OPCML: variants seen among roughly 807,000 people sequenced by gnomAD.
OPCML encodes the protein opioid binding protein/cell adhesion molecule like, also known as opioid-binding protein/cell adhesion molecule.
A neutral mutation model predicts 37.8 loss-of-function variants in OPCML; 13 were observed. That is an observed-to-expected ratio of 0.34 (90% CI 0.22 to 0.55). The LOEUF is 0.55. OPCML is among the 20% of genes least tolerant of loss of function. The pLI, the probability that OPCML is intolerant of heterozygous loss-of-function variation, is 0.91. For synonymous variants in OPCML, 176 were observed against 168.8 expected, an observed-to-expected ratio of 1.04 and a Z score of -0.33; for missense variants, 341 against 435.6, an observed-to-expected ratio of 0.78 and a Z score of 1.93.
chr11:132,449,817 G>T (rs1017503258), intron 4 of OPCML, among the ~76,000 whole-genome samples: 6 of 152,166 alleles, frequency 3.9e-5, no homozygotes, highest in Non-Finnish European at 1.5e-5. Flanking sequence ...AGGGGATCCG[G>T]CCAGCTCATT....
chr11:133,073,254 A>G (rs1447127676), intron 1 of OPCML, among the ~76,000 whole-genome samples: 1 of 152,204 alleles, frequency 6.6e-6, no homozygotes, highest in East Asian at 1.9e-4. Flanking sequence ...CTGGGGCAGA[A>G]AAGCAAGGTG....
At chr11:133,260,711 C>T (rs1413562735) in intron 1 of OPCML, among the ~76,000 whole-genome samples, 3 of 152,280 alleles carry the variant, frequency 2.0e-5, no homozygotes, top group African/African-American at 7.2e-5. Flanking sequence ...ATCAGAAGCA[C>T]ATCAGGAGTC....
intron 1 of OPCML, among the ~76,000 whole-genome samples, chr11:133,041,110 T>C (rs1019198543): frequency 6.6e-6 from 1 of 152,186 alleles, no homozygotes; most frequent in Non-Finnish European, 1.5e-5. Flanking sequence ...TCCCCAAGCA[T>C]TTTTTAGCTC....
In OPCML at chr11:133,211,412, C is replaced by T. The variant is rs1256614525; in HGVS notation, c.62-268402G>A. ...AACTGGGAACAATAAGGCTTCAGAG[C>T]CTTGCACCTGTCAGGGATGGGTTTC... On this transcript the variant is annotated intron_variant, in intron 1 of 7. Transcript: ENST00000524381. The surrounding 1 kb of genome is among the most constrained non-coding windows in gnomAD (Gnocchi z 4.1). 2.0e-5 allele frequency among the ~76,000 whole-genome samples: 3 copies of T among 152,182 alleles called. No individual in the cohort carries two copies. Among genetic ancestry groups the T allele is most frequent in the East Asian group, 1.9e-4 (1 of 5,194 alleles).
chr11:132,437,862 T>A (rs1267725559), intron 4 of OPCML, among the ~76,000 whole-genome samples: 1 of 152,226 alleles, frequency 6.6e-6, no homozygotes, highest in African/African-American at 2.4e-5. Context: ...TACCCTTTAA[T>A]ATAAATAGAT....
intron 1 of OPCML, among the ~76,000 whole-genome samples, chr11:133,184,097 A>C (rs1016381450): frequency 9.2e-5 from 14 of 152,328 alleles, no homozygotes; most frequent in African/African-American, 3.4e-4. Flanking sequence ...CTAATCCTGC[A>C]GCAAGAGGGT....
intron 2 of OPCML, among the ~76,000 whole-genome samples, chr11:132,763,507 T>C (rs541311604): frequency 2.0e-5 from 3 of 152,304 alleles, no homozygotes; most frequent in East Asian, 3.9e-4. Flanking sequence ...TTGTGGCTTC[T>C]TATGATCAAA....
chr11:133,204,866 G>GTGTA (rs1555114179), intron 1 of OPCML, among the ~76,000 whole-genome samples: 2 of 25,216 alleles, frequency 7.9e-5, no homozygotes, highest in Admixed American at 7.0e-4. Flanking sequence ...ATATATATAT[G>GTGTA]TGTATATATA....
intron 2 of OPCML, among the ~76,000 whole-genome samples, chr11:132,839,970 G>C (rs1057165594): frequency 6.6e-6 from 1 of 152,166 alleles, no homozygotes; most frequent in African/African-American, 2.4e-5. Flanking sequence ...ATATCATAAA[G>C]TGTCTTGGTT....
At chr11:133,014,046 A>C (rs1947270483) in intron 1 of OPCML, among the ~76,000 whole-genome samples, 1 of 152,178 alleles carries the variant, frequency 6.6e-6, no homozygotes, top group African/African-American at 2.4e-5. Context: ...ACTGAAGACA[A>C]CTTTACATTC....
chr11:132,635,059 T>C (rs1171001383), intron 3 of OPCML, among the ~76,000 whole-genome samples: 1 of 152,180 alleles, frequency 6.6e-6, no homozygotes, highest in African/African-American at 2.4e-5. Context: ...CCAATATCAT[T>C]TTTAACTGTG....
intron 3 of OPCML, among the ~76,000 whole-genome samples, chr11:132,581,662 A>G (rs1350360541): frequency 1.3e-5 from 2 of 152,196 alleles, no homozygotes; most frequent in African/African-American, 4.8e-5. Context: ...TGGACTTAAA[A>G]AAGTTCACAT....
At chr11:132,772,037 G>A (rs534253282) in intron 2 of OPCML, 21 of 152,290 alleles carry the variant, frequency 1.4e-4, no homozygotes, top group Admixed American at 6.5e-4. Flanking sequence ...CCTTGGGCAC[G>A]GCCATTGTAG....
intron 1 of OPCML, among the ~76,000 whole-genome samples, chr11:133,296,945 G>A (rs996012619): frequency 3.3e-5 from 5 of 152,108 alleles, no homozygotes; most frequent in African/African-American, 9.7e-5. Flanking sequence ...GCTCATAATT[G>A]TATCATTGAC....
chr11:132,629,813 C>T (rs1793263), intron 3 of OPCML, among the ~76,000 whole-genome samples: 125,900 of 152,020 alleles, frequency 0.83, 52,790 homozygotes, highest in African/African-American at 0.96. Context: ...AGATAATTAA[C>T]ATTATTCTGT....
chr11:132,573,551 T>C (rs1038799160), intron 3 of OPCML, among the ~76,000 whole-genome samples: 2 of 152,022 alleles, frequency 1.3e-5, no homozygotes, highest in African/African-American at 2.4e-5. Context: ...ATTTTGTGTA[T>C]CACATTAATT....
At chr11:132,715,710 C>A (rs1304607097) in intron 2 of OPCML, among the ~76,000 whole-genome samples, 1 of 152,100 alleles carries the variant, frequency 6.6e-6, no homozygotes, top group South Asian at 2.1e-4. Flanking sequence ...ACACTAGCAC[C>A]CTGGTTTTGG....
At chr11:133,344,011 T>C (rs1053307644) in intron 1 of OPCML, among the ~76,000 whole-genome samples, 1 of 152,200 alleles carries the variant, frequency 6.6e-6, no homozygotes. Context: ...CTAATAGCCT[T>C]TATGATGAAA....
At chr11:132,516,222 A>G (rs768608720) in intron 4 of OPCML, among the ~76,000 whole-genome samples, 1 of 152,232 alleles carries the variant, frequency 6.6e-6, no homozygotes, top group Non-Finnish European at 1.5e-5. Context: ...GCTAATAGTT[A>G]TAGTGGGGGA....
Sources: allele counts gnomAD v4.1 joint callset (sites outside exome capture counted in the v4.1 genomes callset), GRCh38; gene constraint gnomAD v4.1.1; non-coding constraint Gnocchi (gnomAD v3.1); transcripts MANE v1.5; gene names NCBI Gene and HGNC (gene_info 2026-07-23, HGNC 2026-07-21).